The following RTF2 variants were observed in gnomAD, a reference collection of about 807,000 sequenced individuals.
RTF2 encodes the protein UPF0549 protein C20orf43.
A neutral mutation model predicts 38.0 loss-of-function variants in RTF2; 18 were observed. The ratio of observed to expected loss-of-function variants is 0.47; its 90% CI spans 0.33 to 0.70. The LOEUF (loss-of-function observed/expected upper bound fraction) is 0.70, where lower values mean the gene tolerates loss of function less well. Among genes scored for constraint, RTF2 ranks in the 30% least tolerant of loss-of-function variants. The pLI is 0.02. For synonymous variants in RTF2, 126 were observed against 137.1 expected, an observed-to-expected ratio of 0.92 and a Z score of 0.57; for missense variants, 311 against 379.6, an observed-to-expected ratio of 0.82 and a Z score of 1.50.
chr20:56,497,391 G>A lies in RTF2; in HGVS notation c.477+13202G>A, dbSNP rs1983619164. The A allele has an allele frequency of 3.2e-6, 5 of 1,549,678 alleles. No homozygotes were observed. In the East Asian group the frequency reaches 1.2e-4, roughly 38 times the overall value. ...ATGAGCATGTATTTCAGATTTATGA[G>A]GGGTTTTGCAAAATTTTGCAATTTA... On this transcript the variant is annotated intron_variant, in intron 5 of 8. Transcript: ENST00000357348.
In RTF2 at chr20:56,468,748, G is replaced by T. The variant is rs1298850822; in HGVS notation, c.51G>T (p.Gly17=). 1.0e-5 allele frequency: 16 copies of T among 1,587,528 alleles called. No individual in the cohort carries two copies. The East Asian group carries it at 3.5e-4, about 34-fold the overall frequency. Residue 17 remains glycine, a synonymous_variant, in exon 1 of 9, where the codon GGG becomes GGT. Coordinates refer to ENST00000357348, the MANE Select transcript of RTF2 (RefSeq NM_016407.5). ...TIPKRHELVK[G]PKKVEKVDKD... ...CCAAGAGGCATGAACTGGTGAAGGG[G>T]CCGAAGAAGGTTGAGAAGGTCAGTG...
chr20:56,516,796 C>G (rs1985066831), intron 6 of RTF2, 139 bp from the exon 7 acceptor site: 4 of 750,538 alleles, frequency 5.3e-6, no homozygotes, highest in Non-Finnish European at 7.0e-6. Context: ...ACATCAAAAG[C>G]CTTCTTCAGA....
chr20:56,472,647 T>G (rs1187421482), intron 1 of RTF2, among the ~76,000 whole-genome samples: 1 of 152,234 alleles, frequency 6.6e-6, no homozygotes, highest in African/African-American at 2.4e-5. Flanking sequence ...GCTTTCCCAT[T>G]GTTAGAAATT....
At chr20:56,517,012 T>A (rs879246159) in intron 7 of RTF2, 23 bp downstream of exon 7, 1 of 1,612,578 alleles carries the variant, frequency 6.2e-7, no homozygotes. Flanking sequence ...AAGAGATCCT[T>A]ATTTTAGCAA....
intron 1 of RTF2, 90 bp from the exon 2 acceptor site, chr20:56,473,211 C>A (rs773045968): frequency 3.3e-6 from 3 of 903,520 alleles, no homozygotes; most frequent in Non-Finnish European, 3.6e-6. Context: ...CATTACAGTG[C>A]GGTATTACTG....
chr20:56,510,269 G>A (rs540324978), intron 5 of RTF2, among the ~76,000 whole-genome samples: 178 of 152,290 alleles, frequency 1.2e-3, no homozygotes, highest in African/African-American at 3.4e-3. Flanking sequence ...TTAAAAAGGC[G>A]AGTTAGGTAG....
chr20:56,516,814 T>A (rs974339483), intron 6 of RTF2, 121 bp from the exon 7 acceptor site: 1 of 827,416 alleles, frequency 1.2e-6, no homozygotes, highest in African/African-American at 1.7e-5. Context: ...AGAGTGACTG[T>A]CTGTCTCATG....
rs754196544 is a variant in RTF2, at chr20:56,513,359, C to T, written c.522C>T (p.Gly174=). The T allele has an allele frequency of 6.2e-7, 1 of 1,608,808 alleles. No homozygotes were observed. The highest frequency in any genetic ancestry group is 1.1e-5 in the South Asian group (1 of 89,466). Residue 174 remains glycine, a synonymous_variant, in exon 6 of 9, where the codon GGC becomes GGT. Transcript: ENST00000357348. ...AGGATGATGTCATCATGCTCAATGG[C>T]ACCAAGGAGGATGTGGACGTGCTGA... The part of the protein sequence containing the change: ...FQEDDVIMLN[G]TKEDVDVLKT...
intron 5 of RTF2, among the ~76,000 whole-genome samples, chr20:56,493,764 C>T (rs1165745388): frequency 6.6e-6 from 1 of 151,906 alleles, no homozygotes; most frequent in Non-Finnish European, 1.5e-5. Flanking sequence ...TACAGCTGTG[C>T]CATTTAGACA....
intron 5 of RTF2, chr20:56,496,979 G>A: frequency 6.4e-7 from 1 of 1,551,694 alleles, no homozygotes; most frequent in Non-Finnish European, 8.7e-7. Flanking sequence ...TGGTTTTGAT[G>A]GGAAAATCCT....
chr20:56,480,647 A>G (rs1300772463), intron 4 of RTF2, among the ~76,000 whole-genome samples: 1 of 152,208 alleles, frequency 6.6e-6, no homozygotes, highest in Non-Finnish European at 1.5e-5. Flanking sequence ...CTTTTGATTT[A>G]AAGTGAGAGA....
At chr20:56,481,222 A>G (rs577501258) in intron 4 of RTF2, among the ~76,000 whole-genome samples, 2 of 152,326 alleles carry the variant, frequency 1.3e-5, no homozygotes, top group East Asian at 3.9e-4. Flanking sequence ...TCGAGTAAGT[A>G]AAAATGGTTT....
rs896154170 is a variant in RTF2 at position 56,477,088 on chromosome 20, G to T, written c.362G>T (p.Cys121Phe). 1.2e-6 allele frequency: 2 copies of T among 1,613,876 alleles called. No individual in the cohort carries two copies. Among genetic ancestry groups the T allele is most frequent in the African/African-American group, 2.7e-5 (2 of 74,904 alleles). ...HDDLQRARFI[C>F]PVVGLEMNGR... ...GACCTCCAGCGGGCGCGTTTCATCT[G>T]CCCCGTTGTGGGCCTGGAGATGAAC... is the stretch of plus-strand genomic sequence containing the variant. The change falls in exon 4 of 9, where the codon TGC (cysteine) becomes TTC (phenylalanine). Residue 121 changes from cysteine (C) to phenylalanine (F), a missense_variant. By Grantham distance (205) the Cys-to-Phe change is radical (BLOSUM62 -2). Coordinates refer to ENST00000357348, the MANE Select transcript of RTF2 (RefSeq NM_016407.5).
At chr20:56,478,558 A>C (rs778244542) in intron 4 of RTF2, among the ~76,000 whole-genome samples, 4 of 152,206 alleles carry the variant, frequency 2.6e-5, no homozygotes, top group Admixed American at 1.3e-4. Context: ...ATGTCTAAAA[A>C]CAAAGTACCT....
chr20:56,470,629 C>T, intron 1 of RTF2: 1 of 456,016 alleles, frequency 2.2e-6, no homozygotes, highest in Non-Finnish European at 4.4e-6. Context: ...TGGATGGGGC[C>T]TGGTCACCAG....
chr20:56,470,903 T>G (rs963453953), intron 1 of RTF2: 4 of 269,196 alleles, frequency 1.5e-5, no homozygotes, highest in Non-Finnish European at 2.3e-5. Flanking sequence ...GGCTATTTAT[T>G]TGTATCCTTT....
At chr20:56,509,099 AT>A (rs1421850102) in intron 5 of RTF2, among the ~76,000 whole-genome samples, 3 of 152,268 alleles carry the variant, frequency 2.0e-5, no homozygotes, top group Non-Finnish European at 4.4e-5. Flanking sequence ...GACAGAACTT[AT>A]ATCCAGAATA....
chr20:56,508,822 CAGA>C (rs1262495197), intron 5 of RTF2, among the ~76,000 whole-genome samples: 1 of 152,146 alleles, frequency 6.6e-6, no homozygotes, highest in East Asian at 1.9e-4. Flanking sequence ...TATCCACATG[CAGA>C]AGAATGAATT....
intron 5 of RTF2, among the ~76,000 whole-genome samples, chr20:56,511,824 C>A (rs1051507029): frequency 6.6e-6 from 1 of 152,082 alleles, no homozygotes; most frequent in African/African-American, 2.4e-5. Flanking sequence ...AGCCACTGCA[C>A]TTGGGTTAGA....
Sources: allele counts gnomAD v4.1 joint callset (sites outside exome capture counted in the v4.1 genomes callset), GRCh38; gene constraint gnomAD v4.1.1; transcripts MANE v1.5; gene names NCBI Gene and HGNC (gene_info 2026-07-23, HGNC 2026-07-21).